The following PRKACB variants were observed in gnomAD, a reference collection of about 807,000 sequenced individuals.
The protein encoded by PRKACB is protein kinase cAMP-activated catalytic subunit beta.
In PRKACB, 16 loss-of-function variants were observed where a neutral mutation model predicts 51.4. The observed-to-expected ratio is 0.31, with a 90% confidence interval of 0.21 to 0.47. The LOEUF (loss-of-function observed/expected upper bound fraction) is 0.47. Ranked by LOEUF, PRKACB falls within the 20% of genes least tolerant of loss-of-function variation. The probability of loss-of-function intolerance (pLI) is 1.00; values close to 1 mark genes in which losing one functional copy is unlikely to be tolerated. For synonymous variants in PRKACB, 147 were observed against 154.4 expected (o/e 0.95, Z 0.35); for missense variants, 309 against 464.5 (o/e 0.67, Z 3.08).
chr1:84,193,652 A>G (rs1432829586), intron 5 of PRKACB, among the ~76,000 whole-genome samples: 1 of 152,134 alleles, frequency 6.6e-6, no homozygotes, highest in Non-Finnish European at 1.5e-5. Flanking sequence ...AGGTTGTTTC[A>G]GTAGCTATTA....
chr1:84,182,837 A>G (rs1663953290), intron 3 of PRKACB, among the ~76,000 whole-genome samples: 1 of 152,080 alleles, frequency 6.6e-6, no homozygotes, highest in Non-Finnish European at 1.5e-5. Context: ...CTGATGGACA[A>G]CTATAATTTA....
chr1:84,086,861 C>G (rs80179969), intron 1 of PRKACB, among the ~76,000 whole-genome samples: 1 of 152,176 alleles, frequency 6.6e-6, no homozygotes, highest in Non-Finnish European at 1.5e-5. Flanking sequence ...AGAGCCTTGA[C>G]TCTGTAAGGC....
At chr1:84,215,362 G>T (rs1672735856) in intron 9 of PRKACB, among the ~76,000 whole-genome samples, 1 of 152,072 alleles carries the variant, frequency 6.6e-6, no homozygotes, top group Admixed American at 6.6e-5. Context: ...ATACTTCCAG[G>T]GGACAGGGAG....
At chr1:84,180,411 C>G (rs938616029) in intron 2 of PRKACB, among the ~76,000 whole-genome samples, 3 of 150,608 alleles carry the variant, frequency 2.0e-5, no homozygotes, top group Admixed American at 1.3e-4. Context: ...ACTTTTGGCA[C>G]TTGGTGGGGG....
At chr1:84,199,091 A>G (rs990757001) in intron 7 of PRKACB, among the ~76,000 whole-genome samples, 5 of 138,254 alleles carry the variant, frequency 3.6e-5, no homozygotes, top group African/African-American at 1.4e-4. Context: ...ATATATGCGT[A>G]TATATGCATA....
At chr1:84,112,044 A>G (rs6673972) in intron 1 of PRKACB, among the ~76,000 whole-genome samples, 1 of 152,094 alleles carries the variant, frequency 6.6e-6, no homozygotes, top group Non-Finnish European at 1.5e-5. Context: ...TATTATATTA[A>G]TAAGAAACCA....
intron 1 of PRKACB, among the ~76,000 whole-genome samples, chr1:84,149,063 T>G (rs1027792249): frequency 1.3e-5 from 2 of 152,122 alleles, no homozygotes; most frequent in Admixed American, 1.3e-4. Context: ...ATATGCACAT[T>G]AAGGTGTGAG....
chr1:84,149,844 T>G (rs188622392), intron 1 of PRKACB, among the ~76,000 whole-genome samples: 14 of 152,304 alleles, frequency 9.2e-5, no homozygotes, highest in African/African-American at 3.4e-4. Flanking sequence ...TTAAATTAAT[T>G]GAATCCCAGA....
chr1:84,120,870 A>T (rs549699564), intron 1 of PRKACB, among the ~76,000 whole-genome samples: 1 of 152,142 alleles, frequency 6.6e-6, no homozygotes, highest in South Asian at 2.1e-4. Context: ...TGGTTCCCAG[A>T]TACTTGTTTT....
intron 7 of PRKACB, among the ~76,000 whole-genome samples, chr1:84,201,325 T>G (rs1009169832): frequency 6.6e-6 from 1 of 152,106 alleles, no homozygotes; most frequent in African/African-American, 2.4e-5. Flanking sequence ...CCATTTGGTA[T>G]TTCTTTATGT....
chr1:84,135,561 A>G (rs908655192), intron 1 of PRKACB, among the ~76,000 whole-genome samples: 3 of 152,198 alleles, frequency 2.0e-5, no homozygotes, highest in African/African-American at 7.2e-5. Context: ...CTTTTAAGAT[A>G]GTAATCATGC....
At chr1:84,178,685 T>C (rs2100935340) in intron 1 of PRKACB, 1 of 152,156 alleles carries the variant, frequency 6.6e-6, no homozygotes, top group Non-Finnish European at 1.5e-5. Context: ...CCTTTGCCAT[T>C]AGTAAAGAGA....
At chr1:84,160,862 C>T (rs1017959788) in intron 1 of PRKACB, among the ~76,000 whole-genome samples, 10 of 151,444 alleles carry the variant, frequency 6.6e-5, no homozygotes, top group Admixed American at 6.6e-5. Flanking sequence ...TTTGGCAAAC[C>T]CTTCAAATTA....
chr1:84,232,609 A>G (rs1440722834), intron 9 of PRKACB, among the ~76,000 whole-genome samples: 1 of 152,138 alleles, frequency 6.6e-6, no homozygotes, highest in Non-Finnish European at 1.5e-5. Flanking sequence ...TATTGGGTGC[A>G]TATATATTTA....
In PRKACB at chr1:84,168,961, G is replaced by A. The variant is rs188287458; in HGVS notation, c.188-10216G>A. Among the ~76,000 whole-genome samples, 617 of 151,632 alleles carry A rather than the reference G, an allele frequency of 4.1e-3. 1 individual carries two copies. Among genetic ancestry groups the A allele is most frequent in the African/African-American group, 0.014 (595 of 41,448 alleles). On this transcript the variant is annotated intron_variant, in intron 1 of 9. Transcript: ENST00000370685. The stretch of plus-strand genomic sequence containing the variant: ...CACATTCCCATTTATGAAGGTCACT[G>A]GATTACTTACCTGATAATGTAAATA...
exon 1 of PRKACB, chr1:84,078,328 G>A (rs1419075000): frequency 1.9e-6 from 3 of 1,611,394 alleles, no homozygotes; most frequent in South Asian, 1.1e-5. Context: ...CCCCAGACAT[G>A]GGGAACGCGG....
chr1:84,127,599 G>A (rs1213571678), intron 1 of PRKACB, among the ~76,000 whole-genome samples: 1 of 102,928 alleles, frequency 9.7e-6, no homozygotes, highest in Non-Finnish European at 2.4e-5. Context: ...ACATTACTGA[G>A]CTATTTTTAC....
At chr1:84,216,168 G>A (rs1477693726) in intron 9 of PRKACB, among the ~76,000 whole-genome samples, 2 of 151,834 alleles carry the variant, frequency 1.3e-5, no homozygotes, top group East Asian at 1.9e-4. Flanking sequence ...GCAAAACCCC[G>A]TCTCTACAAA....
chr1:84,225,568 A>G (rs1674449819), intron 9 of PRKACB, among the ~76,000 whole-genome samples: 1 of 152,110 alleles, frequency 6.6e-6, no homozygotes, highest in South Asian at 2.1e-4. Context: ...ATACTCTCTA[A>G]TGGTAGTTGG....
Sources: gnomAD v4.1 joint callset for allele counts (sites outside exome capture counted in the v4.1 genomes callset) on GRCh38, gnomAD v4.1.1 for gene constraint, MANE v1.5 for transcripts, NCBI Gene and HGNC (gene_info 2026-07-23, HGNC 2026-07-21) for gene names.